Variants in TTC3 observed in about 807,000 individuals in gnomAD.
The protein encoded by TTC3 is E3 ubiquitin-protein ligase TTC3.
Under a neutral mutation model 249.6 loss-of-function variants are expected in TTC3, and 180 were observed. That is an observed-to-expected ratio of 0.72 (90% CI 0.64 to 0.82). The LOEUF is 0.82. TTC3 is among the 40% of genes least tolerant of loss of function. TTC3 has a pLI of 0.00. For synonymous variants in TTC3, 717 were observed against 805.0 expected (o/e 0.89, Z 1.85); for missense variants, 2,061 against 2,398.4 (o/e 0.86, Z 2.94).
intron 10 of TTC3, chr21:37,108,084 C>CAA: frequency 1.0e-5 from 2 of 195,696 alleles, no homozygotes; most frequent in South Asian, 8.9e-5. Flanking sequence ...GACTCTGTCT[C>CAA]AAAAAAAACA....
chr21:37,195,947 A>G (rs61736680), exon 42 of TTC3: 472 of 1,614,114 alleles, frequency 2.9e-4, no homozygotes, highest in Non-Finnish European at 3.7e-4. Flanking sequence ...CTGTTCCTCC[A>G]GGACGTGCTG....
intron 27 of TTC3, among the ~76,000 whole-genome samples, chr21:37,155,265 T>C (rs914343348): frequency 6.5e-5 from 8 of 123,914 alleles, no homozygotes; most frequent in African/African-American, 2.5e-4. Context: ...CCAGTTTTTA[T>C]GTTCAGCAAA....
Position 37,167,463 on chromosome 21 carries a change from TGTGG to T in TTC3, c.4402-88_4402-85del. ...AATGGGAAAAAAAACTTGAAAAAAT[TGTGG>T]GTGTGTTTTAAAGTGTTACTACTTG... On this transcript the variant is annotated intron_variant, in intron 33 of 45. Transcript: ENST00000355666. 3.4e-6 allele frequency: 3 copies of T among 891,502 alleles called. No homozygotes were observed. In the South Asian group the frequency reaches 4.8e-5, roughly 14 times the overall value. 55.2% of individuals were successfully genotyped at this position (891,502 alleles called of 1,614,324 possible). A position where few individuals can be genotyped will look rare whatever the true frequency, so the allele number is the denominator to read the frequency against.
At chr21:37,145,891 C>T (rs978562831) in intron 21 of TTC3, among the ~76,000 whole-genome samples, 1 of 152,150 alleles carries the variant, frequency 6.6e-6, no homozygotes, top group Non-Finnish European at 1.5e-5. Flanking sequence ...ATGAGAGATT[C>T]GTCGCCATGA....
At chr21:37,165,503 C>T (rs769768198) in intron 32 of TTC3, 47 bp from the exon 33 acceptor site, 2 of 1,428,004 alleles carry the variant, frequency 1.4e-6, no homozygotes, top group Admixed American at 2.2e-5. Flanking sequence ...TAGACATATT[C>T]AAGTACTTCC....
At chr21:37,095,775 A>T (rs1482489205) in intron 9 of TTC3, among the ~76,000 whole-genome samples, 1 of 152,228 alleles carries the variant, frequency 6.6e-6, no homozygotes, top group Non-Finnish European at 1.5e-5. Context: ...AAAAGGATTA[A>T]AGGATTAGTT....
At chr21:37,129,123 GA>G (rs2077269911) in intron 16 of TTC3, 60 bp downstream of exon 16, 23 of 1,309,226 alleles carry the variant, frequency 1.8e-5, no homozygotes, top group South Asian at 3.0e-5. Context: ...CAAGAAAAAG[GA>G]AAAAAAATTG....
At chr21:37,076,693 G>GGTTTTTTT (rs2070906790) in intron 1 of TTC3, among the ~76,000 whole-genome samples, 1 of 76,214 alleles carries the variant, frequency 1.3e-5, no homozygotes, top group African/African-American at 5.2e-5. Flanking sequence ...AAAACAAAGG[G>GGTTTTTTT]ATTTTTTTTT....
chr21:37,141,851 A>C (rs534907872), intron 20 of TTC3, among the ~76,000 whole-genome samples: 160 of 152,334 alleles, frequency 1.1e-3, no homozygotes, highest in African/African-American at 3.7e-3. Context: ...AAAAATCCTT[A>C]ATAAAATACT....
At chr21:37,191,930 C>T (rs2084183214) in intron 40 of TTC3, among the ~76,000 whole-genome samples, 182 bp from the exon 41 acceptor site, 1 of 152,184 alleles carries the variant, frequency 6.6e-6, no homozygotes, top group Non-Finnish European at 1.5e-5. Context: ...CCATCTTGAC[C>T]TCTGCCTTGA....
At chr21:37,154,787 C>A (rs1164895663) in intron 27 of TTC3, among the ~76,000 whole-genome samples, 1 of 152,138 alleles carries the variant, frequency 6.6e-6, no homozygotes, top group Non-Finnish European at 1.5e-5. Flanking sequence ...GCTCCGCCTC[C>A]CGGGTTCACG....
intron 36 of TTC3, 49 bp downstream of exon 36, chr21:37,182,962 T>C: frequency 1.4e-6 from 2 of 1,416,498 alleles, no homozygotes; most frequent in African/African-American, 2.9e-5. Context: ...AAAAATATTG[T>C]GGCTTTTGGT....
At chr21:37,098,534 G>C (rs142433592) in intron 10 of TTC3, 1 of 152,392 alleles carries the variant, frequency 6.6e-6, no homozygotes, top group Non-Finnish European at 1.5e-5. Flanking sequence ...GGTCTAGCTT[G>C]TGGTTTAATA....
intron 26 of TTC3, 56 bp downstream of exon 26, chr21:37,152,085 A>T: frequency 1.4e-6 from 2 of 1,460,194 alleles, no homozygotes; most frequent in Non-Finnish European, 1.8e-6. Context: ...AAATGTATAA[A>T]TGTAAGCATC....
intron 17 of TTC3, among the ~76,000 whole-genome samples, chr21:37,134,177 T>A (rs1284446351): frequency 6.6e-6 from 1 of 152,058 alleles, no homozygotes; most frequent in Non-Finnish European, 1.5e-5. Context: ...AGAGGCCGGG[T>A]GCAGGGTCTC....
intron 1 of TTC3, chr21:37,082,426 G>A (rs561890969): frequency 3.3e-6 from 3 of 907,730 alleles, no homozygotes; most frequent in South Asian, 5.1e-5. Context: ...TTTGATCTTT[G>A]TGGTGATCTT....
At chr21:37,147,245 C>T (rs1469803416) in intron 21 of TTC3, among the ~76,000 whole-genome samples, 7 of 152,020 alleles carry the variant, frequency 4.6e-5, no homozygotes, top group East Asian at 1.9e-4. Context: ...TTGATTCTTT[C>T]GAAATTCTGA....
At chr21:37,121,947 T>C (rs2076618343) in exon 12 of TTC3, 1 of 1,611,824 alleles carries the variant, frequency 6.2e-7, no homozygotes, top group Non-Finnish European at 8.5e-7. Flanking sequence ...CAGCAGCATG[T>C]AAAGTTACAA....
intron 22 of TTC3, 61 bp from the exon 23 acceptor site, chr21:37,148,485 A>T: frequency 2.5e-6 from 2 of 799,912 alleles, no homozygotes; most frequent in Non-Finnish European, 3.9e-6. Flanking sequence ...TGTATGTTGT[A>T]GTGAGTGAGT....
Sources: gnomAD v4.1 joint callset for allele counts (sites outside exome capture counted in the v4.1 genomes callset) on GRCh38, gnomAD v4.1.1 for gene constraint, MANE v1.5 for transcripts, NCBI Gene and HGNC (gene_info 2026-07-23, HGNC 2026-07-21) for gene names.